Variants in RIMS3 observed in about 807,000 individuals in gnomAD.
The protein encoded by RIMS3 is regulating synaptic membrane exocytosis protein 3.
A neutral mutation model predicts 29.2 loss-of-function variants in RIMS3; 15 were observed. That is an observed-to-expected ratio of 0.51 (90% CI 0.34 to 0.79). The LOEUF is 0.79. Ranked by LOEUF, RIMS3 falls within the 30% of genes least tolerant of loss-of-function variation. The pLI is 0.01. For synonymous variants in RIMS3, 161 were observed against 170.1 expected (o/e 0.95, Z 0.41); for missense variants, 342 against 421.4 (o/e 0.81, Z 1.65).
the RIMS3 span, among the ~76,000 whole-genome samples, chr1:40,678,925 T>C: frequency 6.6e-6 from 1 of 152,166 alleles, no homozygotes; most frequent in Non-Finnish European, 1.5e-5. Context: ...TAGAAATCTG[T>C]TAGAAAGCCT....
chr1:40,679,685 A>T, the RIMS3 span, among the ~76,000 whole-genome samples: 1 of 152,128 alleles, frequency 6.6e-6, no homozygotes, highest in Admixed American at 6.6e-5. Context: ...ACTGGCCAGA[A>T]TGATGGGTCA....
upstream of RIMS3, among the ~76,000 whole-genome samples, chr1:40,670,585 T>C (rs1406192642): frequency 8.3e-6 from 1 of 119,914 alleles, no homozygotes; most frequent in Admixed American, 8.7e-5. Flanking sequence ...TATATATATA[T>C]ATATATATAT....
At chr1:40,629,060 G>T in intron 6 of RIMS3, 111 bp from the exon 7 acceptor site, 1 of 1,384,046 alleles carries the variant, frequency 7.2e-7, no homozygotes, top group Non-Finnish European at 1.0e-6. Context: ...TGTGGAATGA[G>T]CCAGCCAGTG....
chr1:40,628,942 A>G lies in RIMS3; in HGVS notation c.582T>C (p.Tyr194=). 1 of 1,613,222 alleles carries G rather than the reference A, an allele frequency of 6.2e-7. No individual in the cohort carries two copies. Among genetic ancestry groups the G allele is most frequent in the South Asian group, 1.1e-5 (1 of 91,028 alleles). ...KPGSKSLPAT[Y]IKVYLLENGA... is the part of the protein sequence containing the mutation. ...CATTCTCCAGCAGGTAAACCTTGAT[A>G]TAGGTGGCTAAGGGAGGAGAGAATG... Residue 194 remains tyrosine, a synonymous_variant, in exon 7 of 8, where the codon TAT becomes TAC. Transcript: ENST00000372684.
At chr1:40,634,955 A>C (rs1340383763) in intron 4 of RIMS3, among the ~76,000 whole-genome samples, 4 of 151,622 alleles carry the variant, frequency 2.6e-5, no homozygotes, top group South Asian at 2.1e-4. Flanking sequence ...AAAAAAAAAA[A>C]CAAAAAAAAC....
chr1:40,669,545 C>T (rs1642466079), upstream of RIMS3: 1 of 152,238 alleles, frequency 6.6e-6, no homozygotes, highest in East Asian at 1.9e-4. Flanking sequence ...AGGACTCATT[C>T]ACCCCAGGAA....
the RIMS3 span, chr1:40,691,792 C>T: frequency 2.2e-6 from 1 of 451,602 alleles, no homozygotes; most frequent in Non-Finnish European, 4.4e-6. Flanking sequence ...CCCTCCGCCG[C>T]GCCTGGGCCT....
chr1:40,655,710 C>G (rs934678609), intron 1 of RIMS3, among the ~76,000 whole-genome samples: 1 of 152,182 alleles, frequency 6.6e-6, no homozygotes, highest in East Asian at 1.9e-4. Flanking sequence ...TCTGCCAAAT[C>G]TACAGACTCC....
At chr1:40,670,898 T>A in the RIMS3 span, among the ~76,000 whole-genome samples, 7 of 151,886 alleles carry the variant, frequency 4.6e-5, no homozygotes, top group Non-Finnish European at 1.0e-4. Context: ...TAATATATAT[T>A]TTTTTAAGTG....
chr1:40,676,183 G>A, the RIMS3 span, among the ~76,000 whole-genome samples: 4 of 152,124 alleles, frequency 2.6e-5, no homozygotes, highest in African/African-American at 9.7e-5. Flanking sequence ...AATTGGGTGG[G>A]CTTCTGCAGC....
chr1:40,671,674 C>G, the RIMS3 span, among the ~76,000 whole-genome samples: 6 of 152,216 alleles, frequency 3.9e-5, no homozygotes, highest in African/African-American at 1.2e-4. Context: ...TGAGGCTTCC[C>G]CAGAAGGCAA....
At chr1:40,641,012 T>C (rs1239370652) in intron 3 of RIMS3, among the ~76,000 whole-genome samples, 2 of 152,376 alleles carry the variant, frequency 1.3e-5, no homozygotes, top group Non-Finnish European at 2.9e-5. Context: ...TCTATTTATG[T>C]AACTGCACAA....
At chr1:40,647,567 C>T (rs1646603607) in intron 2 of RIMS3, 101 bp downstream of exon 2, 1 of 152,152 alleles carries the variant, frequency 6.6e-6, no homozygotes, top group African/African-American at 2.4e-5. Context: ...AAATTGGTGG[C>T]AAAATCACTG....
rs1205536717 is a variant in RIMS3 at position 40,622,581 on chromosome 1, C to T, written c.*3936G>A. 6.6e-6 allele frequency: 1 copy of T among 152,516 alleles called. No homozygotes were observed. The highest frequency in any genetic ancestry group is 1.5e-5 in the Non-Finnish European group (1 of 68,070). The allele number at this position is 152,516 out of a possible 1,614,324, so 9.4% of individuals were successfully genotyped here. ...GCAGGGAAGCAGGGCTCTTCTTTTC[C>T]ATCTCCCTGCAGCCACTGCAGAAAC... is the stretch of plus-strand genomic sequence containing the variant. On this transcript the variant is annotated 3_prime_UTR_variant, in exon 8 of 8. Transcript: ENST00000372684.
intron 1 of RIMS3, among the ~76,000 whole-genome samples, chr1:40,662,597 T>C (rs1055473879): frequency 6.6e-6 from 1 of 152,160 alleles, no homozygotes; most frequent in Non-Finnish European, 1.5e-5. Context: ...CAGGCATTCT[T>C]TCTCCTTTTT....
chr1:40,631,447 C>T (rs201026051), intron 5 of RIMS3, among the ~76,000 whole-genome samples: 5 of 152,088 alleles, frequency 3.3e-5, no homozygotes, highest in East Asian at 1.9e-4. Context: ...CCAAGGCAGG[C>T]GGATTGCCTG....
intron 1 of RIMS3, among the ~76,000 whole-genome samples, chr1:40,659,505 C>T (rs1642321191): frequency 6.6e-6 from 1 of 152,150 alleles, no homozygotes; most frequent in African/African-American, 2.4e-5. Context: ...TGCAGCACTC[C>T]TCATCTAGTC....
At chr1:40,664,812 A>G (rs1463106751) in intron 1 of RIMS3, among the ~76,000 whole-genome samples, 1 of 152,154 alleles carries the variant, frequency 6.6e-6, no homozygotes, top group African/African-American at 2.4e-5. Context: ...TTGCCCATCA[A>G]GGGTCCTGCC....
chr1:40,626,727 C>A lies in RIMS3; in HGVS notation c.717G>T (p.Val239=). 6.2e-7 allele frequency: 1 copy of A among 1,614,022 alleles called. No individual in the cohort carries two copies. Among genetic ancestry groups the A allele is most frequent in the South Asian group, 1.1e-5 (1 of 91,078 alleles). ...DEGPQGKVLQ[V]IVWGDYGRMD... ...TGCGGCCATAGTCTCCCCAGACGAT[C>A]ACCTGCCAGGAGGAAGAGAGGGAGG... The change falls in exon 8 of 8, where the codon GTG becomes GTT. Residue 239 remains valine, a splice_region_variant and synonymous_variant. Coordinates refer to ENST00000372684, the MANE Select transcript of RIMS3 (RefSeq NM_014747.3).
Sources: gnomAD v4.1 joint callset for allele counts (sites outside exome capture counted in the v4.1 genomes callset) on GRCh38, gnomAD v4.1.1 for gene constraint, MANE v1.5 for transcripts, NCBI Gene and HGNC (gene_info 2026-07-23, HGNC 2026-07-21) for gene names.